The following DPP6 variants were observed in gnomAD, a reference collection of about 807,000 sequenced individuals.
The protein encoded by DPP6 is A-type potassium channel modulatory protein DPP6.
DPP6 carries 69 observed loss-of-function variants against 122.6 expected under a neutral mutation model. That is an observed-to-expected ratio of 0.56 (90% CI 0.46 to 0.69). The LOEUF is 0.69. Ranked by LOEUF, DPP6 falls within the 30% of genes least tolerant of loss-of-function variation. The pLI is 0.00. For missense variants in DPP6, 928 were observed against 1,116.9 expected (o/e 0.83, Z 2.41); for synonymous variants, 418 against 433.1 (o/e 0.97, Z 0.43).
In DPP6 at chr7:154,872,673, C is replaced by T. The variant is rs932076331; in HGVS notation, c.1863C>T (p.His621=). Residue 621 remains histidine, a synonymous_variant, in exon 19 of 26, where the codon CAC becomes CAT. Coordinates refer to ENST00000377770, the MANE Select transcript of DPP6 (RefSeq NM_130797.4). ...CAGCAACCTTCACCGACACCACCCA[C>T]TACCCTCTGCTCCTGGTGGTGTAAG... is the stretch of plus-strand genomic sequence containing the variant. ...LKPATFTDTT[H]YPLLLVVDGT... The T allele has an allele frequency of 1.3e-6, 2 of 1,599,614 alleles. No homozygotes were observed. Among genetic ancestry groups the T allele is most frequent in the Non-Finnish European group, 1.7e-6 (2 of 1,173,260 alleles).
chr7:153,982,095 G>A (rs1297551141), intron 1 of DPP6, among the ~76,000 whole-genome samples: 1 of 152,106 alleles, frequency 6.6e-6, no homozygotes, highest in Non-Finnish European at 1.5e-5. Context: ...GGCCTGCCTT[G>A]CTAGGTTGGG....
At chr7:154,520,989 A>C (rs1421148036) in intron 3 of DPP6, among the ~76,000 whole-genome samples, 2 of 152,182 alleles carry the variant, frequency 1.3e-5, no homozygotes, top group East Asian at 1.9e-4. Context: ...CAAAGTCTTA[A>C]ATTTTTTTGA....
intron 1 of DPP6, among the ~76,000 whole-genome samples, chr7:154,327,490 C>A (rs1473831907): frequency 6.6e-6 from 1 of 151,976 alleles, no homozygotes; most frequent in African/African-American, 2.4e-5. Context: ...TTTGAAGTCC[C>A]CTTATACTAC....
chr7:154,260,694 A>AATATATATT (rs893899378), intron 1 of DPP6, among the ~76,000 whole-genome samples: 1 of 147,638 alleles, frequency 6.8e-6, no homozygotes, highest in African/African-American at 2.5e-5. Context: ...ATATATGTAT[A>AATATATATT]ATATATATTA....
At chr7:153,981,099 C>T (rs1796560996) in intron 1 of DPP6, among the ~76,000 whole-genome samples, 1 of 152,138 alleles carries the variant, frequency 6.6e-6, no homozygotes, top group Admixed American at 6.5e-5. Flanking sequence ...CCTGAATATC[C>T]TTGTTAATTT....
At chr7:153,786,588 A>T in the DPP6 span, among the ~76,000 whole-genome samples, 4 of 150,862 alleles carry the variant, frequency 2.7e-5, no homozygotes, top group African/African-American at 9.8e-5. Flanking sequence ...AATACAAAAA[A>T]ATTAGCCGGG....
chr7:154,099,248 T>C (rs1805566558), intron 1 of DPP6, among the ~76,000 whole-genome samples: 1 of 152,210 alleles, frequency 6.6e-6, no homozygotes. Context: ...ACTTTCCTAA[T>C]AATCCAGTCA....
intron 1 of DPP6, among the ~76,000 whole-genome samples, chr7:154,373,531 C>T (rs547501392): frequency 1.4e-4 from 22 of 152,300 alleles, no homozygotes; most frequent in African/African-American, 4.1e-4. Flanking sequence ...GCACTAAATG[C>T]AGACTCCTAT....
At chr7:154,185,749 T>C (rs1174930420) in intron 1 of DPP6, among the ~76,000 whole-genome samples, 1 of 152,196 alleles carries the variant, frequency 6.6e-6, no homozygotes, top group Non-Finnish European at 1.5e-5. Flanking sequence ...GTTACAGATA[T>C]TCTTTGTCAA....
intron 16 of DPP6, among the ~76,000 whole-genome samples, chr7:154,825,339 T>C (rs1160919605): frequency 1.3e-5 from 2 of 152,238 alleles, no homozygotes; most frequent in East Asian, 1.9e-4. Context: ...CTATTTTAAA[T>C]CTACCTGTAC....
intron 3 of DPP6, among the ~76,000 whole-genome samples, chr7:154,482,719 A>G (rs563683234): frequency 4.3e-4 from 66 of 152,286 alleles, no homozygotes; most frequent in African/African-American, 1.5e-3. Flanking sequence ...ATGTGCCTTA[A>G]TTTGCGCCAT....
Position 154,755,660 on chromosome 7 carries a change from C to T in DPP6, c.884-13757C>T, listed in dbSNP as rs182184635. 1.9e-3 allele frequency among the ~76,000 whole-genome samples: 285 copies of T among 152,194 alleles called. No homozygotes were observed. The highest frequency in any genetic ancestry group is 2.9e-3 in the Non-Finnish European group (200 of 68,012). ...CACCACCCTTCTAAGAGGACTTACC[C>T]GGAAGCTGCCAAGTCTTACTGGAAT... On this transcript the variant is annotated intron_variant, in intron 8 of 25. Transcript: ENST00000377770. The surrounding 1 kb of genome is among the most constrained non-coding windows in gnomAD (Gnocchi z 4.7).
intron 16 of DPP6, among the ~76,000 whole-genome samples, chr7:154,852,034 C>G (rs1247430226): frequency 6.6e-6 from 1 of 152,204 alleles, no homozygotes; most frequent in Non-Finnish European, 1.5e-5. Flanking sequence ...AGACCTTCCA[C>G]CTTACCTCTC....
At chr7:154,424,108 T>C (rs1273849803) in intron 1 of DPP6, among the ~76,000 whole-genome samples, 3 of 152,226 alleles carry the variant, frequency 2.0e-5, no homozygotes, top group African/African-American at 7.2e-5. Context: ...ATTAGAGAGA[T>C]GAGGTGCAAG....
At chr7:154,660,089 G>A (rs1291241629) in intron 6 of DPP6, among the ~76,000 whole-genome samples, 1 of 152,192 alleles carries the variant, frequency 6.6e-6, no homozygotes, top group East Asian at 1.9e-4. Flanking sequence ...GAAGGGAAAT[G>A]CATCTTAGCT....
At chr7:154,714,082 A>G (rs1841345973) in intron 7 of DPP6, among the ~76,000 whole-genome samples, 2 of 152,216 alleles carry the variant, frequency 1.3e-5, no homozygotes, top group Admixed American at 1.3e-4. Context: ...TCTTTACTTC[A>G]GTTCCCAACA....
At chr7:153,753,270 T>A in the DPP6 span, among the ~76,000 whole-genome samples, 2 of 152,064 alleles carry the variant, frequency 1.3e-5, no homozygotes, top group South Asian at 4.2e-4. Context: ...TTCACCATAT[T>A]TGGGGATTTT....
intron 1 of DPP6, among the ~76,000 whole-genome samples, chr7:154,231,502 G>T (rs1800915922): frequency 1.3e-5 from 2 of 152,166 alleles, no homozygotes; most frequent in African/African-American, 2.4e-5. Context: ...AGAGTCTGTT[G>T]CTGGGTCTAA....
chr7:154,575,590 GTGTA>G (rs1831595851), intron 5 of DPP6, among the ~76,000 whole-genome samples: 2 of 134,364 alleles, frequency 1.5e-5, no homozygotes, highest in Admixed American at 7.6e-5. Flanking sequence ...GTGTGAGCGG[GTGTA>G]TGTGTGTGGT....
Sources: gnomAD v4.1 joint callset for allele counts (sites outside exome capture counted in the v4.1 genomes callset) on GRCh38, gnomAD v4.1.1 for gene constraint, Gnocchi (gnomAD v3.1) non-coding constraint, MANE v1.5 for transcripts, NCBI Gene and HGNC (gene_info 2026-07-23, HGNC 2026-07-21) for gene names.